Variants in RRBP1 observed in about 807,000 individuals in gnomAD.
RRBP1 encodes the protein ribosome binding protein 1, also known as ribosome-binding protein 1.
RRBP1 carries 94 observed loss-of-function variants against 165.2 expected under a neutral mutation model. That is an observed-to-expected ratio of 0.57 (90% CI 0.48 to 0.68). The LOEUF is 0.68. Among genes scored for constraint, RRBP1 ranks in the 30% least tolerant of loss-of-function variants. The probability of loss-of-function intolerance (pLI) is 0.00; values close to 1 mark genes in which losing one functional copy is unlikely to be tolerated. For missense variants in RRBP1, 1,676 were observed against 1,763.0 expected (o/e 0.95, Z 0.88); for synonymous variants, 680 against 714.5 (o/e 0.95, Z 0.77).
At chr20:17,658,412 C>T (rs960749971) in intron 3 of RRBP1, among the ~76,000 whole-genome samples, 184 bp downstream of exon 3, 8 of 152,192 alleles carry the variant, frequency 5.3e-5, no homozygotes, top group Non-Finnish European at 8.8e-5. Context: ...ATCTGCCAAC[C>T]TCCAGAAGCA....
chr20:17,658,830 C>A lies in RRBP1; in HGVS notation c.1678G>T (p.Val560Leu), dbSNP rs986523727. 1 of 1,613,978 alleles carries A rather than the reference C, an allele frequency of 6.2e-7. No individual in the cohort carries two copies. The highest frequency in any genetic ancestry group is 8.5e-7 in the Non-Finnish European group (1 of 1,179,890). The change falls in exon 3 of 25, where the codon GTA becomes TTA. Residue 560 changes from valine (V) to leucine (L), a missense_variant. Physicochemically the swap from Val to Leu is conservative, Grantham distance 32. Transcript: ENST00000377813. ...TTCCCCTGGTTTGTAATACCCTCTA[C>A]CTTTGTGCCCTGATTAGCAACCGAA... Reference protein sequence around the residue: ...ADSVANQGTKVEGITNQGKKA... With the variant: ...ADSVANQGTKLEGITNQGKKA...
At chr20:17,654,437 T>C (rs1333099593) in intron 3 of RRBP1, among the ~76,000 whole-genome samples, 2 of 152,244 alleles carry the variant, frequency 1.3e-5, no homozygotes, top group Admixed American at 6.5e-5. Flanking sequence ...CTTACCAATA[T>C]GCACTACTGA....
chr20:17,629,959 C>T lies in RRBP1; in HGVS notation c.2613G>A (p.Ala871=), dbSNP rs138539631. The change falls in exon 9 of 25, where the codon GCG becomes GCA. Residue 871 remains alanine, a splice_region_variant and synonymous_variant. Transcript: ENST00000377813. ...GGGCCTCCTCACTCTCCCTGTGGGACGCCTGGGGACGGGCAGGGGAGTGGG... is the reference window on the plus strand; with the variant it reads ...GGGCCTCCTCACTCTCCCTGTGGGATGCCTGGGGACGGGCAGGGGAGTGGG... ...AFEKQVLQLQ[A]SHRESEEALQ... The T allele has an allele frequency of 3.2e-4, 509 of 1,593,494 alleles. No individual in the cohort carries two copies. Among genetic ancestry groups the T allele is most frequent in the African/African-American group, 2.0e-3 (149 of 74,890 alleles).
chr20:17,679,828 A>G (rs1223040675), intron 2 of RRBP1, among the ~76,000 whole-genome samples, 171 bp downstream of exon 2: 1 of 152,228 alleles, frequency 6.6e-6, no homozygotes, highest in Non-Finnish European at 1.5e-5. Flanking sequence ...ATTCCTAAGT[A>G]TGAAAGGTGA....
Position 17,658,631 on chromosome 20 carries a change from T to G in RRBP1, c.1877A>C (p.Lys626Thr), listed in dbSNP as rs148302482. Residue 626 changes from lysine to threonine, a missense_variant, in exon 3 of 25, where the codon AAG becomes ACG. Transcript: ENST00000377813. ...PEAPKQEAPA[K>T]KKSGSKKKGE... ...TTTTTTCTTTGAACCAGACTTCTTC[T>G]TGGCAGGAGCCTCTTGCTTTGGTGC... The G allele has an allele frequency of 6.2e-7, 1 of 1,607,288 alleles. No homozygotes were observed. The highest frequency in any genetic ancestry group is 1.7e-5 in the Admixed American group (1 of 58,170).
chr20:17,633,407 C>G lies in RRBP1; in HGVS notation c.2610+53G>C, dbSNP rs2036189545. ...CCTGGGCCCATCCCCGCTATGCAGA[C>G]AGGCTTGCTGGGCAGTGAACAGGGC... On this transcript the variant is annotated intron_variant, in intron 8 of 24. Transcript: ENST00000377813. The G allele has an allele frequency of 1.9e-6, 3 of 1,579,984 alleles. No homozygotes were observed. The East Asian group carries it at 6.7e-5, about 35-fold the overall frequency.
intron 5 of RRBP1, among the ~76,000 whole-genome samples, chr20:17,641,104 C>T (rs945865953): frequency 6.6e-6 from 1 of 152,218 alleles, no homozygotes; most frequent in Non-Finnish European, 1.5e-5. Context: ...GCTGGGGCAC[C>T]AGGGCCCACC....
At chr20:17,668,114 G>A (rs2036904268) in intron 2 of RRBP1, among the ~76,000 whole-genome samples, 1 of 152,172 alleles carries the variant, frequency 6.6e-6, no homozygotes, top group Non-Finnish European at 1.5e-5. Context: ...AACTTATTCA[G>A]ACTCACTGTG....
At chr20:17,676,235 G>A (rs982195983) in intron 2 of RRBP1, among the ~76,000 whole-genome samples, 1 of 152,172 alleles carries the variant, frequency 6.6e-6, no homozygotes, top group Non-Finnish European at 1.5e-5. Context: ...GGTAAGAGCT[G>A]TTTGGACCAG....
intron 5 of RRBP1, among the ~76,000 whole-genome samples, chr20:17,637,158 TGGCTAGGGTGG>T (rs2036263287): frequency 7.3e-6 from 1 of 136,612 alleles, no homozygotes; most frequent in Non-Finnish European, 1.6e-5. Flanking sequence ...CAAGCCCTGA[TGGCTAGGGTGG>T]GGGTGGGGCC....
In RRBP1 at chr20:17,643,940, A is replaced by G. The variant is rs1486086011; in HGVS notation, c.1913-813T>C. On this transcript the variant is annotated intron_variant, in intron 3 of 24. Transcript: ENST00000377813. The surrounding 1 kb of genome is among the most constrained non-coding windows in gnomAD (Gnocchi z 4.3). ...CTCGGAAGCAAGAAAGGGTGAACCA[A>G]GATGCCACGCCTGAGTGCCTGGACT... 6.6e-6 allele frequency among the ~76,000 whole-genome samples: 1 copy of G among 152,170 alleles called. No individual in the cohort carries two copies. Among genetic ancestry groups the G allele is most frequent in the East Asian group, 1.9e-4 (1 of 5,192 alleles).
rs527973376 is a variant in RRBP1, at chr20:17,660,997, T to C, written c.-21-469A>G. Among the ~76,000 whole-genome samples the C allele has an allele frequency of 2.0e-5, 3 of 152,260 alleles. No individual in the cohort carries two copies. In the East Asian group the frequency reaches 5.8e-4, roughly 29 times the overall value. On this transcript the variant is annotated intron_variant, in intron 2 of 24. Coordinates refer to ENST00000377813, the MANE Select transcript of RRBP1 (RefSeq NM_001365613.2). Reference sequence around the variant, plus strand: ...TGCCCTAGAAATGTGATTGCTGAGTTGGAAGATGTTTTGATTTTTCATGTT... The same window carrying C: ...TGCCCTAGAAATGTGATTGCTGAGTCGGAAGATGTTTTGATTTTTCATGTT...
At position 17,618,681 on chromosome 20, in the gene RRBP1, T is replaced by G; in HGVS notation, c.3676-2A>C. ...AGATTCTAGGAGAAGTTGCCTCAGC[T>G]TGGGGAGAAAACAGAGGCGGGTGAT... On this transcript the variant is annotated splice_acceptor_variant, in intron 19 of 24. Coordinates refer to ENST00000377813, the MANE Select transcript of RRBP1 (RefSeq NM_001365613.2). LOFTEE classifies it high-confidence loss of function. The G allele has an allele frequency of 1.9e-6, 3 of 1,613,160 alleles. No homozygotes were observed. Among genetic ancestry groups the G allele is most frequent in the Admixed American group, 1.7e-5 (1 of 60,022 alleles).
In RRBP1 at chr20:17,613,966, G is replaced by C. The variant is rs1299979656; in HGVS notation, c.*216C>G. ...GGCGGTGGCCCGGGGCTGCGCCCAG[G>C]ATAGTGTTTATCAAATGTGACACAG... On this transcript the variant is annotated 3_prime_UTR_variant, in exon 25 of 25. Coordinates refer to ENST00000377813, the MANE Select transcript of RRBP1 (RefSeq NM_001365613.2). 1 of 584,106 alleles carries C rather than the reference G, an allele frequency of 1.7e-6. No homozygotes were observed. The highest frequency in any genetic ancestry group is 2.9e-5 in the Admixed American group (1 of 34,692). The allele number at this position is 584,106 out of a possible 1,614,324, so 36.2% of individuals were successfully genotyped here. A position where few individuals can be genotyped will look rare whatever the true frequency, so the allele number is the denominator to read the frequency against.
At chr20:17,672,023 C>T (rs1190778191) in intron 2 of RRBP1, among the ~76,000 whole-genome samples, 1 of 152,174 alleles carries the variant, frequency 6.6e-6, no homozygotes, top group Non-Finnish European at 1.5e-5. Flanking sequence ...GCTGGCTGTG[C>T]CAGGGAGACT....
At position 17,613,898 on chromosome 20, in the gene RRBP1, A is replaced by C. The variant is rs2035739255; in HGVS notation, c.*284T>G. ...CCCCAGAGCGCCCGGCCTCCCACAC[A>C]CCCACGGGGCTGTCAGAGTCAACCA... On this transcript the variant is annotated 3_prime_UTR_variant, in exon 25 of 25. Coordinates refer to ENST00000377813, the MANE Select transcript of RRBP1 (RefSeq NM_001365613.2). 5.1e-6 allele frequency: 2 copies of C among 394,270 alleles called. No individual in the cohort carries two copies. The highest frequency in any genetic ancestry group is 2.0e-5 in the African/African-American group (1 of 49,494). The allele number at this position is 394,270 out of a possible 1,614,324, so 24.4% of individuals were successfully genotyped here. A position where few individuals can be genotyped will look rare whatever the true frequency, so the allele number is the denominator to read the frequency against.
Position 17,659,760 on chromosome 20 carries a change from T to G in RRBP1, c.748A>C (p.Lys250Gln). 1 of 1,550,756 alleles carries G rather than the reference T, an allele frequency of 6.4e-7. No homozygotes were observed. Among genetic ancestry groups the G allele is most frequent in the South Asian group, 1.2e-5 (1 of 84,064 alleles). The change falls in exon 3 of 25, where the codon AAA becomes CAA. Residue 250 changes from lysine to glutamine, a missense_variant. Around this residue, in one of 5 missense-constraint regions of RRBP1, gnomAD observed 392 missense variants for 382.5 expected, o/e 1.02. Coordinates refer to ENST00000377813, the MANE Select transcript of RRBP1 (RefSeq NM_001365613.2). ...TGGTTTGGGGTTCCTTCTGCCTTTT[T>G]GCCTTGGTTTGGGGTTCCCTCTGCC... ...KKAEGTPNQG[K>Q]KAEGTPNQGK...
rs2229886 is a variant in RRBP1, at chr20:17,621,926, A to G, written c.3169T>C (p.Cys1057Arg). 0.051 allele frequency: 82,766 copies of G among 1,612,050 alleles called. 2,448 individuals are homozygous for G. The highest frequency in any genetic ancestry group is 0.06 in the Non-Finnish European group (71,202 of 1,178,552). The change falls in exon 14 of 25, where the codon TGT (cysteine) becomes CGT (arginine). Residue 1057 changes from cysteine to arginine, a missense_variant. Around this residue, in one of 5 missense-constraint regions of RRBP1, gnomAD observed 1,184 missense variants for 1,167.1 expected, o/e 1.01. Coordinates refer to ENST00000377813, the MANE Select transcript of RRBP1 (RefSeq NM_001365613.2). ...QAKEESEKQL[C>R]LIEAQTMEAL... ...TCCATGGTCTGCGCCTCAATCAGAC[A>G]GAGCTGCTTCTCCGATTCCTCCTGG...
rs763063925 is a variant in RRBP1, at chr20:17,620,821, G to A, written c.3415-14C>T. 22 of 1,590,198 alleles carry A rather than the reference G, an allele frequency of 1.4e-5. No homozygotes were observed. Among genetic ancestry groups the A allele is most frequent in the Admixed American group, 8.4e-5 (5 of 59,564 alleles). On this transcript the variant is annotated splice_polypyrimidine_tract_variant and intron_variant, in intron 16 of 24. Transcript: ENST00000377813. Reference sequence around the variant, plus strand: ...GAGCATGCCCTCCTGGGGGGAAACCGAGGTGAGGCAGGGCCCTCTCCCTCC... The same window carrying A: ...GAGCATGCCCTCCTGGGGGGAAACCAAGGTGAGGCAGGGCCCTCTCCCTCC...
Sources: gnomAD v4.1 joint callset for allele counts (sites outside exome capture counted in the v4.1 genomes callset) on GRCh38, gnomAD v4.1.1 for gene constraint, gnomAD v4.1.1 regional missense constraint, Gnocchi (gnomAD v3.1) non-coding constraint, MANE v1.5 for transcripts, NCBI Gene and HGNC (gene_info 2026-07-23, HGNC 2026-07-21) for gene names.